The following LMBRD1 variants were observed in gnomAD, a reference collection of about 807,000 sequenced individuals.
LMBRD1 encodes the protein lysosomal cobalamin transport escort protein LMBD1.
A neutral mutation model predicts 74.8 loss-of-function variants in LMBRD1; 64 were observed. The ratio of observed to expected loss-of-function variants is 0.86; its 90% CI spans 0.70 to 1.05. LMBRD1 has a LOEUF of 1.05. Among genes scored for constraint, LMBRD1 ranks in the 50% least tolerant of loss-of-function variants. The probability of loss-of-function intolerance (pLI) is 0.00; values close to 1 mark genes in which losing one functional copy is unlikely to be tolerated. For missense variants in LMBRD1, 652 were observed against 645.9 expected (o/e 1.01, Z -0.10); for synonymous variants, 204 against 216.3 (o/e 0.94, Z 0.50).
intron 7 of LMBRD1, among the ~76,000 whole-genome samples, chr6:69,733,746 C>G (rs1582100666): frequency 6.6e-6 from 1 of 152,176 alleles, no homozygotes; most frequent in Admixed American, 6.5e-5. Flanking sequence ...TCCCCCAACC[C>G]CAACTAACCA....
chr6:69,783,964 C>A (rs1161751883), intron 2 of LMBRD1, among the ~76,000 whole-genome samples: 1 of 152,170 alleles, frequency 6.6e-6, no homozygotes, highest in African/African-American at 2.4e-5. Context: ...CTAACCAGTT[C>A]TTGTGGCAAC....
rs58701619 is a variant in LMBRD1, at chr6:69,675,435, A to AT, written c.*722dup. Among the ~76,000 whole-genome samples the AT allele has an allele frequency of 1.1e-4, 16 of 151,488 alleles. No homozygotes were observed. The highest frequency in any genetic ancestry group is 5.8e-4 in the East Asian group (3 of 5,174). On this transcript the variant is annotated 3_prime_UTR_variant, in exon 16 of 16. Coordinates refer to ENST00000649934, the MANE Select transcript of LMBRD1 (RefSeq NM_018368.4). Reference sequence around the variant, plus strand: ...ATATCTTAAATTAATCCATAAACTGATTTTTTTTTCCAGGATTAATTATTC... The same window carrying AT: ...ATATCTTAAATTAATCCATAAACTGATTTTTTTTTTCCAGGATTAATTATTC...
At chr6:69,718,030 C>T (rs11966214) in intron 8 of LMBRD1, among the ~76,000 whole-genome samples, 14,812 of 151,982 alleles carry the variant, frequency 0.097, 1,916 homozygotes, top group African/African-American at 0.3. Flanking sequence ...ATAAGAAAGC[C>T]GGTATATGGT....
chr6:69,771,273 T>C (rs1765572335), intron 3 of LMBRD1, among the ~76,000 whole-genome samples: 1 of 152,158 alleles, frequency 6.6e-6, no homozygotes, highest in Non-Finnish European at 1.5e-5. Flanking sequence ...ACTCACTGCG[T>C]TTTTGGCAGG....
intron 7 of LMBRD1, among the ~76,000 whole-genome samples, chr6:69,737,431 T>C (rs760141864): frequency 6.6e-6 from 1 of 151,864 alleles, no homozygotes; most frequent in Non-Finnish European, 1.5e-5. Context: ...AGATTTCATA[T>C]AAAAGAGAAG....
intron 3 of LMBRD1, among the ~76,000 whole-genome samples, chr6:69,754,137 G>C (rs981493703): frequency 2.0e-4 from 27 of 135,710 alleles, no homozygotes; most frequent in Admixed American, 7.6e-5. Flanking sequence ...CAGAAGGAGA[G>C]AGGAAGGGCA....
At chr6:69,749,495 A>G (rs1765073500) in intron 4 of LMBRD1, 87 bp from the exon 5 acceptor site, 2 of 977,692 alleles carry the variant, frequency 2.0e-6, no homozygotes, top group Non-Finnish European at 3.3e-6. Context: ...GTACCTTCAC[A>G]TCAGATACAT....
rs890194407 is a variant in LMBRD1, at chr6:69,676,395, T to C, written c.1509+55A>G. The C allele has an allele frequency of 3.8e-6, 6 of 1,583,084 alleles. No individual in the cohort carries two copies. In the African/African-American group the frequency reaches 5.4e-5, roughly 14 times the overall value. On this transcript the variant is annotated intron_variant, in intron 15 of 15. Transcript: ENST00000649934. ...TAGTAAGATAAAAAGAGTTTACACATTTAACTATAATTTATAAAGGAAGGT... is the reference window on the plus strand; with the variant it reads ...TAGTAAGATAAAAAGAGTTTACACACTTAACTATAATTTATAAAGGAAGGT...
intron 2 of LMBRD1, 44 bp from the exon 3 acceptor site, chr6:69,780,598 T>C (rs752998012): frequency 7.0e-7 from 1 of 1,436,886 alleles, no homozygotes; most frequent in Non-Finnish European, 9.8e-7. Flanking sequence ...AAACACCCAT[T>C]TGCCTAACAA....
At chr6:69,750,806 T>C (rs916269679) in intron 4 of LMBRD1, among the ~76,000 whole-genome samples, 3 of 152,162 alleles carry the variant, frequency 2.0e-5, no homozygotes, top group Non-Finnish European at 4.4e-5. Flanking sequence ...ATAACAATTT[T>C]GACTCTCTTC....
intron 1 of LMBRD1, among the ~76,000 whole-genome samples, chr6:69,796,099 A>G (rs1766220206): frequency 6.6e-6 from 1 of 152,220 alleles, no homozygotes; most frequent in African/African-American, 2.4e-5. Flanking sequence ...AGACATTTCT[A>G]TCTACACTTT....
intron 7 of LMBRD1, among the ~76,000 whole-genome samples, chr6:69,734,060 G>A (rs1766920044): frequency 6.6e-6 from 1 of 152,242 alleles, no homozygotes; most frequent in Admixed American, 6.5e-5. Flanking sequence ...GGAGGCCCAT[G>A]GACTTGAGAT....
chr6:69,733,613 T>C (rs1009272122), intron 7 of LMBRD1, among the ~76,000 whole-genome samples: 1 of 152,116 alleles, frequency 6.6e-6, no homozygotes, highest in African/African-American at 2.4e-5. Flanking sequence ...ATCATCTACC[T>C]TCCTCTTCCC....
intron 7 of LMBRD1, among the ~76,000 whole-genome samples, chr6:69,736,475 T>C (rs913631388): frequency 6.6e-6 from 1 of 152,188 alleles, no homozygotes; most frequent in African/African-American, 2.4e-5. Context: ...GCTACTGCTA[T>C]TGCTGTGAGT....
intron 9 of LMBRD1, among the ~76,000 whole-genome samples, chr6:69,712,141 T>G (rs1766396047): frequency 6.6e-6 from 1 of 152,132 alleles, no homozygotes; most frequent in Non-Finnish European, 1.5e-5. Flanking sequence ...GAATTACAAC[T>G]TGTGTGCTAT....
intron 14 of LMBRD1, among the ~76,000 whole-genome samples, chr6:69,687,833 A>G (rs1203916422): frequency 6.6e-6 from 1 of 152,134 alleles, no homozygotes; most frequent in Non-Finnish European, 1.5e-5. Flanking sequence ...TTCAGACCAT[A>G]AAACAAAAGG....
chr6:69,713,766 T>A lies in LMBRD1; in HGVS notation c.794A>T (p.Asp265Val), dbSNP rs1412360719. The change falls in exon 9 of 16, where the codon GAT (aspartate) becomes GTT (valine). Residue 265 changes from aspartate (D) to valine (V), a missense_variant. By Grantham distance (152) the Asp-to-Val change is radical. Transcript: ENST00000649934. Reference protein sequence around the residue: ...SKDGRPLPARDKRALKQFEER... With the variant: ...SKDGRPLPARVKRALKQFEER... ...TTCAAATTGTTTTAAGGCGCGTTTA[T>A]CCCTTGCTGGCAAAGGTCGACCATC... is the stretch of plus-strand genomic sequence containing the variant. 2.6e-5 allele frequency: 42 copies of A among 1,613,528 alleles called. 1 individual carries two copies. The Admixed American group carries it at 3.7e-4, about 14-fold the overall frequency.
At chr6:69,756,786 G>A (rs1765277359) in intron 3 of LMBRD1, among the ~76,000 whole-genome samples, 1 of 152,160 alleles carries the variant, frequency 6.6e-6, no homozygotes, top group Admixed American at 6.5e-5. Flanking sequence ...ACTCCAAAAA[G>A]GAAAGCAAGA....
At chr6:69,701,354 T>C (rs1247693143) in intron 11 of LMBRD1, 89 bp downstream of exon 11, 1 of 760,614 alleles carries the variant, frequency 1.3e-6, no homozygotes, top group African/African-American at 1.7e-5. Flanking sequence ...ATAATAATTT[T>C]ATGTGCAACA....
Sources: allele counts gnomAD v4.1 joint callset (sites outside exome capture counted in the v4.1 genomes callset), GRCh38; gene constraint gnomAD v4.1.1; transcripts MANE v1.5; gene names NCBI Gene and HGNC (gene_info 2026-07-23, HGNC 2026-07-21).